ACTR3C: variants seen among roughly 807,000 people sequenced by gnomAD.
ACTR3C encodes actin related protein 3C.
In ACTR3C, 18 loss-of-function variants were observed where a neutral mutation model predicts 26.3. The ratio of observed to expected loss-of-function variants is 0.68; its 90% confidence interval spans 0.47 to 1.01. The LOEUF is 1.01. Among genes scored for constraint, ACTR3C ranks in the 50% least tolerant of loss-of-function variants. ACTR3C has a pLI of 0.00. For missense variants in ACTR3C, 184 were observed against 250.7 expected, an observed-to-expected ratio of 0.73 and a Z score of 1.80; for synonymous variants, 55 against 94.5, an observed-to-expected ratio of 0.58 and a Z score of 2.42.
the ACTR3C span, among the ~76,000 whole-genome samples, chr7:150,034,768 C>G: frequency 6.6e-6 from 1 of 150,934 alleles, no homozygotes; most frequent in Non-Finnish European, 1.5e-5. Context: ...GAAGGGGGCC[C>G]TAAGCCAGGG....
At chr7:149,973,164 G>A in the ACTR3C span, among the ~76,000 whole-genome samples, 4 of 152,170 alleles carry the variant, frequency 2.6e-5, no homozygotes, top group South Asian at 2.1e-4. Flanking sequence ...GTGAGCAGGC[G>A]GCACATCTGT....
the ACTR3C span, among the ~76,000 whole-genome samples, chr7:150,041,701 A>C: frequency 2.0e-5 from 2 of 100,290 alleles, no homozygotes; most frequent in Admixed American, 1.3e-4. Flanking sequence ...CTCAGTCCCC[A>C]CCCTCGCGGG....
the ACTR3C span, among the ~76,000 whole-genome samples, chr7:149,906,720 C>T: frequency 0.025 from 3,170 of 124,426 alleles, 152 homozygotes; most frequent in African/African-American, 0.096. Flanking sequence ...GCGTGAGCCA[C>T]CGCGCCCAGC....
chr7:150,134,965 G>C, the ACTR3C span, among the ~76,000 whole-genome samples: 31 of 152,200 alleles, frequency 2.0e-4, 4 homozygotes, highest in Admixed American at 2.0e-3. Context: ...GCAGCTACAG[G>C]TTCTGTTACC....
At chr7:150,079,654 G>A in the ACTR3C span, among the ~76,000 whole-genome samples, 14 of 152,112 alleles carry the variant, frequency 9.2e-5, no homozygotes, top group African/African-American at 3.4e-4. Flanking sequence ...CATCATCCAT[G>A]TGGACCACAG....
chr7:149,917,888 T>G, the ACTR3C span, among the ~76,000 whole-genome samples: 4 of 151,682 alleles, frequency 2.6e-5, no homozygotes, highest in African/African-American at 4.8e-5. Flanking sequence ...TCAATCAGAA[T>G]AGCTCTACTC....
chr7:150,199,873 T>C, the ACTR3C span, among the ~76,000 whole-genome samples: 1 of 151,694 alleles, frequency 6.6e-6, no homozygotes, highest in African/African-American at 2.4e-5. Context: ...ATATACACAA[T>C]ATAAAGAACA....
the ACTR3C span, among the ~76,000 whole-genome samples, chr7:150,219,465 C>T: frequency 6.9e-6 from 1 of 144,832 alleles, no homozygotes; most frequent in East Asian, 1.9e-4. Context: ...CCCTATGTAA[C>T]CCGGGTAAGG....
intron 1 of ACTR3C, among the ~76,000 whole-genome samples, chr7:150,299,483 A>C (rs934219920): frequency 1.2e-4 from 18 of 145,426 alleles, no homozygotes; most frequent in Non-Finnish European, 2.2e-4. Context: ...AAAAAAAAAA[A>C]AAAAAAAAAA....
At chr7:149,992,408 C>T in the ACTR3C span, among the ~76,000 whole-genome samples, 1 of 152,214 alleles carries the variant, frequency 6.6e-6, no homozygotes, top group Non-Finnish European at 1.5e-5. Flanking sequence ...GCCCATTAGT[C>T]CTCCCCAGCC....
chr7:150,143,072 T>C, the ACTR3C span, among the ~76,000 whole-genome samples: 3 of 152,110 alleles, frequency 2.0e-5, no homozygotes, highest in Admixed American at 1.3e-4. Context: ...CCTCAAGTGA[T>C]CCACCCGCCT....
chr7:150,071,216 CG>C, the ACTR3C span, among the ~76,000 whole-genome samples: 33 of 151,826 alleles, frequency 2.2e-4, no homozygotes, highest in African/African-American at 8.0e-4. Flanking sequence ...CTCCGCCTCC[CG>C]GGTTCATGCC....
the ACTR3C span, among the ~76,000 whole-genome samples, chr7:149,894,067 A>T: frequency 1.3e-5 from 2 of 152,246 alleles, no homozygotes; most frequent in South Asian, 4.1e-4. Context: ...ACAGCTTGGT[A>T]CTGGTATAAA....
At chr7:150,013,719 A>G in the ACTR3C span, among the ~76,000 whole-genome samples, 1 of 152,194 alleles carries the variant, frequency 6.6e-6, no homozygotes. Context: ...ATAACCATCT[A>G]TACCTAGACC....
chr7:150,168,609 C>A, the ACTR3C span, among the ~76,000 whole-genome samples: 1 of 150,850 alleles, frequency 6.6e-6, no homozygotes, highest in Admixed American at 6.6e-5. Flanking sequence ...CCATACCAGT[C>A]TGGTCCATGG....
At chr7:150,145,075 C>G in the ACTR3C span, among the ~76,000 whole-genome samples, 3 of 152,002 alleles carry the variant, frequency 2.0e-5, no homozygotes, top group South Asian at 6.2e-4. Context: ...AAGATTCCCC[C>G]CCTTTCCTAT....
At chr7:150,223,579 T>C in the ACTR3C span, among the ~76,000 whole-genome samples, 1 of 151,876 alleles carries the variant, frequency 6.6e-6, no homozygotes, top group Non-Finnish European at 1.5e-5. Flanking sequence ...GCATAGCAAA[T>C]AGAGATGCTA....
chr7:150,316,339 A>G (rs1796881281), intron 1 of ACTR3C, among the ~76,000 whole-genome samples: 1 of 152,176 alleles, frequency 6.6e-6, no homozygotes, highest in Non-Finnish European at 1.5e-5. Flanking sequence ...GCACACATAC[A>G]TAGTGTTTCG....
At chr7:150,283,576 C>A (rs1253291061) in intron 6 of ACTR3C, among the ~76,000 whole-genome samples, 1 of 151,180 alleles carries the variant, frequency 6.6e-6, no homozygotes, top group African/African-American at 2.5e-5. Flanking sequence ...ATACATAATT[C>A]AAAAAATACG....
Sources: gnomAD v4.1 joint callset for allele counts (sites outside exome capture counted in the v4.1 genomes callset) on GRCh38, gnomAD v4.1.1 for gene constraint, MANE v1.5 for transcripts, NCBI Gene and HGNC (gene_info 2026-07-23, HGNC 2026-07-21) for gene names.